Variants in TMEM41B observed in about 807,000 individuals in gnomAD.
The protein encoded by TMEM41B is transmembrane protein 41B.
Under a neutral mutation model 31.9 loss-of-function variants are expected in TMEM41B, and 18 were observed. That is an observed-to-expected ratio of 0.56 (90% CI 0.39 to 0.84). The LOEUF (loss-of-function observed/expected upper bound fraction) is 0.84. TMEM41B is among the 40% of genes least tolerant of loss of function. The pLI is 0.00. For synonymous variants in TMEM41B, 144 were observed against 124.3 expected, an observed-to-expected ratio of 1.16 and a Z score of -1.05; for missense variants, 322 against 348.0, an observed-to-expected ratio of 0.93 and a Z score of 0.59.
intron 1 of TMEM41B, among the ~76,000 whole-genome samples, chr11:9,304,776 A>T (rs528099994): frequency 6.6e-6 from 1 of 152,002 alleles, no homozygotes; most frequent in African/African-American, 2.4e-5. Flanking sequence ...TCCTGCCTCA[A>T]TCTCCCAAGT....
intron 1 of TMEM41B, among the ~76,000 whole-genome samples, chr11:9,308,490 C>A (rs1590389749): frequency 6.6e-6 from 1 of 152,166 alleles, no homozygotes. Context: ...TCCTTCCATG[C>A]CAGCCTGGAC....
intron 2 of TMEM41B, among the ~76,000 whole-genome samples, chr11:9,299,292 A>AAAAG (rs1853181041): frequency 7.8e-6 from 1 of 128,584 alleles, no homozygotes; most frequent in Non-Finnish European, 1.6e-5. Flanking sequence ...CAAAAAAAAA[A>AAAAG]AAAAAAAAAA....
At position 9,282,912 on chromosome 11, in the gene TMEM41B, C is replaced by T. The variant is rs188495113; in HGVS notation, c.*512G>A. ...TCGCGCCACTGCACTCCAGCCTGGG[C>T]GGCAGAGCTAGACTCCGTCTCAAAA... On this transcript the variant is annotated 3_prime_UTR_variant, in exon 7 of 7. Transcript: ENST00000528080. The T allele has an allele frequency of 0.025, 3,145 of 124,778 alleles. 48 individuals carry two copies. Among genetic ancestry groups the T allele is most frequent in the Middle Eastern group, 0.083 (17 of 206 alleles). 7.7% of individuals were successfully genotyped at this position (124,778 alleles called of 1,614,324 possible).
chr11:9,284,520 T>C (rs1852792520), intron 6 of TMEM41B, among the ~76,000 whole-genome samples: 1 of 151,972 alleles, frequency 6.6e-6, no homozygotes, highest in East Asian at 1.9e-4. Context: ...CCCAGCACCC[T>C]GGGAGGCCAA....
At chr11:9,289,312 T>A (rs1249036573) in intron 3 of TMEM41B, among the ~76,000 whole-genome samples, 3 of 100,112 alleles carry the variant, frequency 3.0e-5, no homozygotes, top group Non-Finnish European at 6.2e-5. Flanking sequence ...ATCTTGTTTT[T>A]AAAATAGATT....
intron 1 of TMEM41B, among the ~76,000 whole-genome samples, chr11:9,302,286 G>C (rs1853283062): frequency 1.0e-5 from 1 of 100,250 alleles, no homozygotes; most frequent in Non-Finnish European, 2.1e-5. Context: ...GGGATTACAG[G>C]CGTGAGCCAT....
intron 2 of TMEM41B, among the ~76,000 whole-genome samples, chr11:9,296,441 C>T (rs901429633): frequency 1.3e-5 from 2 of 151,442 alleles, no homozygotes; most frequent in Non-Finnish European, 2.9e-5. Context: ...GCCTGGCAAA[C>T]GTGTTGAAAC....
At position 9,286,456 on chromosome 11, in the gene TMEM41B, T is replaced by C; in HGVS notation, c.705A>G (p.Leu235=). 3 of 1,609,832 alleles carry C rather than the reference T, an allele frequency of 1.9e-6. No homozygotes were observed. Among genetic ancestry groups the C allele is most frequent in the Non-Finnish European group, 2.5e-6 (3 of 1,178,364 alleles). ...CACAGCAAGAACCAGAGGGCTTACCTAGAAAAGTACCAATAAAAAAAACTT... is the reference window on the plus strand; with the variant it reads ...CACAGCAAGAACCAGAGGGCTTACCCAGAAAAGTACCAATAAAAAAAACTT... ...PLKVFFIGTF[L]GVAPPSFVAI... is the part of the protein sequence containing the mutation. The change falls in exon 6 of 7, where the codon CTA becomes CTG. Residue 235 remains leucine (L), a splice_region_variant and synonymous_variant. Transcript: ENST00000528080.
At chr11:9,287,608 G>A (rs745882172) in intron 5 of TMEM41B, 94 bp downstream of exon 5, 9 of 756,818 alleles carry the variant, frequency 1.2e-5, no homozygotes, top group Non-Finnish European at 1.4e-5. Flanking sequence ...AATTTATGTT[G>A]GGTTAATACA....
intron 5 of TMEM41B, among the ~76,000 whole-genome samples, chr11:9,287,230 G>C (rs1031115330): frequency 1.1e-4 from 16 of 152,070 alleles, no homozygotes; most frequent in Non-Finnish European, 1.5e-5. Context: ...AGAAATGCTT[G>C]AACCGAGGAG....
rs1480827751 is a variant in TMEM41B at position 9,282,060 on chromosome 11, C to T, written c.*1364G>A. 1 of 152,072 alleles carries T rather than the reference C, an allele frequency of 6.6e-6. No homozygotes were observed. Among genetic ancestry groups the T allele is most frequent in the African/African-American group, 2.4e-5 (1 of 41,412 alleles). 9.4% of individuals were successfully genotyped at this position (152,072 alleles called of 1,614,324 possible). On this transcript the variant is annotated 3_prime_UTR_variant, in exon 7 of 7. Coordinates refer to ENST00000528080, the MANE Select transcript of TMEM41B (RefSeq NM_015012.4). The stretch of plus-strand genomic sequence containing the variant: ...AGCCCCTTGTGGGATATTAAAGAGC[C>T]ATAACAAATTATCTGAATATAAATT...
chr11:9,313,851 G>A (rs915798708), intron 1 of TMEM41B, among the ~76,000 whole-genome samples: 3 of 152,074 alleles, frequency 2.0e-5, no homozygotes, highest in African/African-American at 7.2e-5. Flanking sequence ...GTAAACAGTA[G>A]GGCAGGGACT....
At chr11:9,285,826 AAAAG>A (rs1564959297) in intron 6 of TMEM41B, among the ~76,000 whole-genome samples, 2 of 151,956 alleles carry the variant, frequency 1.3e-5, no homozygotes, top group Admixed American at 6.6e-5. Flanking sequence ...AAAAAAAAAA[AAAAG>A]AAAGGGCTGG....
At chr11:9,301,739 T>A (rs1853265499) in intron 1 of TMEM41B, among the ~76,000 whole-genome samples, 2 of 152,104 alleles carry the variant, frequency 1.3e-5, no homozygotes, top group African/African-American at 4.8e-5. Flanking sequence ...TTTCTCTTGA[T>A]AATTTGAACT....
chr11:9,286,038 C>T (rs544775496), intron 6 of TMEM41B, among the ~76,000 whole-genome samples: 23 of 152,240 alleles, frequency 1.5e-4, no homozygotes, highest in African/African-American at 5.3e-4. Flanking sequence ...TCGCTTGAAC[C>T]CGGGAGGCGG....
rs562214367 is a variant in TMEM41B, at chr11:9,310,974, G to A, written c.121+3347C>T. 6.6e-5 allele frequency among the ~76,000 whole-genome samples: 10 copies of A among 152,228 alleles called. No individual in the cohort carries two copies. In the East Asian group the frequency reaches 1.7e-3, roughly 26 times the overall value. On this transcript the variant is annotated intron_variant, in intron 1 of 6. Transcript: ENST00000528080. ...CCAATCATGAGTATTATAAGCAGAA[G>A]TAAAAAATCACATTTTACAGATCTC... is the stretch of plus-strand genomic sequence containing the variant.
In TMEM41B at chr11:9,295,246, G is replaced by A. The variant is rs2133623385; in HGVS notation, c.368+13C>T. 6.6e-7 allele frequency: 1 copy of A among 1,520,838 alleles called. No homozygotes were observed. Among genetic ancestry groups the A allele is most frequent in the East Asian group, 2.3e-5 (1 of 43,466 alleles). The allele number at this position is 1,520,838 out of a possible 1,614,324, so 94.2% of individuals were successfully genotyped here. A position where few individuals can be genotyped will look rare whatever the true frequency, so the allele number is the denominator to read the frequency against. The stretch of plus-strand genomic sequence containing the variant: ...AACAAAATTAGAAAACATTTTTTCA[G>A]TTAAAAGGATACAAAATATATGTAG... On this transcript the variant is annotated intron_variant, in intron 3 of 6. Transcript: ENST00000528080.
intron 1 of TMEM41B, among the ~76,000 whole-genome samples, chr11:9,312,663 TG>T: frequency 6.6e-6 from 1 of 152,108 alleles, no homozygotes. Context: ...CCCAGCACTT[TG>T]GGAGGCCGAG....
At position 9,314,584 on chromosome 11, in the gene TMEM41B, C is replaced by T. The variant is rs1288186845; in HGVS notation, c.-143G>A. ...CTCACCCGAGACGACCTCAGCCCAG[C>T]GAGTACTGCAACCTCCTGCAAACAC... On this transcript the variant is annotated 5_prime_UTR_variant, in exon 1 of 7. Coordinates refer to ENST00000528080, the MANE Select transcript of TMEM41B (RefSeq NM_015012.4). 2 of 1,200,964 alleles carry T rather than the reference C, an allele frequency of 1.7e-6. No individual in the cohort carries two copies. Among genetic ancestry groups the T allele is most frequent in the Non-Finnish European group, 2.3e-6 (2 of 887,066 alleles). The allele number at this position is 1,200,964 out of a possible 1,614,324, so 74.4% of individuals were successfully genotyped here.
Sources: gnomAD v4.1 joint callset for allele counts (sites outside exome capture counted in the v4.1 genomes callset) on GRCh38, gnomAD v4.1.1 for gene constraint, MANE v1.5 for transcripts, NCBI Gene and HGNC (gene_info 2026-07-23, HGNC 2026-07-21) for gene names.